Variants in SLFN12L observed in about 807,000 individuals in gnomAD.
SLFN12L encodes schlafen family member 12 like.
Under a neutral mutation model 34.8 loss-of-function variants are expected in SLFN12L, and 34 were observed. The observed-to-expected ratio is 0.98, with a 90% CI of 0.74 to 1.30. SLFN12L has a LOEUF of 1.30. Ranked by LOEUF, SLFN12L falls within the 50% of genes most tolerant of loss-of-function variation. The pLI is 0.00. For synonymous variants in SLFN12L, 259 were observed against 247.5 expected (o/e 1.05, Z -0.44); for missense variants, 703 against 696.2 (o/e 1.01, Z -0.11).
intron 1 of SLFN12L, among the ~76,000 whole-genome samples, chr17:35,534,520 A>G (rs1165646734): frequency 6.6e-6 from 1 of 152,208 alleles, no homozygotes; most frequent in African/African-American, 2.4e-5. Flanking sequence ...ATGAGAACAG[A>G]TGGTGATGTG....
chr17:35,492,552 T>C (rs1407949166), intron 2 of SLFN12L, among the ~76,000 whole-genome samples: 2 of 152,126 alleles, frequency 1.3e-5, no homozygotes, highest in African/African-American at 2.4e-5. Flanking sequence ...GGGGCTGGAA[T>C]AGTTCTGGCC....
At chr17:35,535,886 C>T (rs1487029605) in intron 1 of SLFN12L, among the ~76,000 whole-genome samples, 1 of 152,128 alleles carries the variant, frequency 6.6e-6, no homozygotes, top group Non-Finnish European at 1.5e-5. Context: ...GAACTCCTGA[C>T]CTCAAATGAT....
At chr17:35,515,641 T>C (rs1915799475) in intron 2 of SLFN12L, among the ~76,000 whole-genome samples, 3 of 134,404 alleles carry the variant, frequency 2.2e-5, no homozygotes, top group Non-Finnish European at 4.6e-5. Context: ...CAATTTTTTT[T>C]TTTTTTTTTT....
chr17:35,485,577 T>C (rs1914547375), intron 2 of SLFN12L, among the ~76,000 whole-genome samples: 1 of 152,242 alleles, frequency 6.6e-6, no homozygotes, highest in Non-Finnish European at 1.5e-5. Flanking sequence ...ATCTTTATAA[T>C]AATTTATTTG....
intron 2 of SLFN12L, among the ~76,000 whole-genome samples, chr17:35,505,724 G>A (rs1915445756): frequency 6.6e-6 from 1 of 152,146 alleles, no homozygotes; most frequent in Non-Finnish European, 1.5e-5. Flanking sequence ...ACATGAATGG[G>A]AGCAGCTTCG....
At chr17:35,528,990 T>A (rs1214059794) in intron 1 of SLFN12L, among the ~76,000 whole-genome samples, 1 of 151,894 alleles carries the variant, frequency 6.6e-6, no homozygotes, top group African/African-American at 2.4e-5. Context: ...CTTAAACAAA[T>A]TCACAAGAAA....
chr17:35,530,501 A>AAATT lies in SLFN12L; in HGVS notation c.-606+7071_-606+7072insAATT, dbSNP rs1567694469. Among the ~76,000 whole-genome samples the AAATT allele has an allele frequency of 3.5e-3, 122 of 35,076 alleles. 9 individuals are homozygous for AAATT. The highest frequency in any genetic ancestry group is 8.7e-3 in the African/African-American group (111 of 12,710). The allele number at this position is 35,076 out of a possible 152,430, so 23.0% of individuals were successfully genotyped here. A position where few individuals can be genotyped will look rare whatever the true frequency, so the allele number is the denominator to read the frequency against. On this transcript the variant is annotated intron_variant, in intron 1 of 4. Coordinates refer to ENST00000628453, the MANE Select transcript of SLFN12L (RefSeq NM_001363830.2). ...GAAAGAAAGAAAGAAAGAAAGAAAG[A>AAATT]AAGAAAGAAAGAAAAGAAAAGAAAA...
intron 2 of SLFN12L, among the ~76,000 whole-genome samples, chr17:35,489,368 A>T (rs1914739476): frequency 6.6e-6 from 1 of 151,924 alleles, no homozygotes; most frequent in Non-Finnish European, 1.5e-5. Context: ...GCCTGGCAAT[A>T]TAAGGAGACG....
intron 2 of SLFN12L, among the ~76,000 whole-genome samples, chr17:35,482,100 A>T (rs1914365890): frequency 6.6e-6 from 1 of 152,196 alleles, no homozygotes; most frequent in Admixed American, 6.5e-5. Flanking sequence ...TCCTGACCTC[A>T]GATGATCCAC....
At chr17:35,501,299 G>T (rs1915288536) in intron 2 of SLFN12L, among the ~76,000 whole-genome samples, 1 of 152,206 alleles carries the variant, frequency 6.6e-6, no homozygotes, top group Non-Finnish European at 1.5e-5. Context: ...CTGAACACCA[G>T]GAGGAACTGG....
intron 2 of SLFN12L, among the ~76,000 whole-genome samples, chr17:35,481,588 A>T (rs117528947): frequency 0.037 from 5,592 of 152,298 alleles, 150 homozygotes; most frequent in Middle Eastern, 0.099. Context: ...CTTACCTATC[A>T]CTGGAGATGG....
intron 2 of SLFN12L, among the ~76,000 whole-genome samples, chr17:35,505,811 A>G (rs538878494): frequency 5.1e-4 from 77 of 152,308 alleles, no homozygotes; most frequent in South Asian, 1.9e-3. Flanking sequence ...TGGTCCACGC[A>G]TGGCTGAAGC....
chr17:35,516,839 T>C (rs937259902), intron 2 of SLFN12L, among the ~76,000 whole-genome samples: 6 of 152,232 alleles, frequency 3.9e-5, no homozygotes, highest in Admixed American at 6.5e-5. Flanking sequence ...ATAAGCAGCT[T>C]TACTTTTAAT....
At chr17:35,515,849 G>C (rs2142163257) in intron 2 of SLFN12L, among the ~76,000 whole-genome samples, 1 of 151,778 alleles carries the variant, frequency 6.6e-6, no homozygotes, top group African/African-American at 2.4e-5. Context: ...TCACTATGTT[G>C]GCCAGGCTGG....
rs1913808073 is a variant in SLFN12L at position 35,471,493 on chromosome 17, G to A, written c.*3430C>T. Reference sequence around the variant, plus strand: ...TTCCTTTGGGTATATACCCAGTAATGGGATTCCTGGGTCAAATGGTATTTC... The same window carrying A: ...TTCCTTTGGGTATATACCCAGTAATAGGATTCCTGGGTCAAATGGTATTTC... On this transcript the variant is annotated 3_prime_UTR_variant, in exon 5 of 5. Coordinates refer to ENST00000628453, the MANE Select transcript of SLFN12L (RefSeq NM_001363830.2). Among the ~76,000 whole-genome samples, 1 of 152,070 alleles carries A rather than the reference G, an allele frequency of 6.6e-6. No homozygotes were observed.
intron 2 of SLFN12L, among the ~76,000 whole-genome samples, chr17:35,495,859 C>G (rs192568157): frequency 6.6e-6 from 1 of 151,122 alleles, no homozygotes; most frequent in Non-Finnish European, 1.5e-5. Flanking sequence ...GAATCTGAAG[C>G]GTGCAGGGTG....
Position 35,470,179 on chromosome 17 carries a change from T to C in SLFN12L, c.*4744A>G, listed in dbSNP as rs1006106326. ...TTCACCAAAGTTTATATTTTCCTAC[T>C]GCAAAACTATGTTCCATGTAGATCT... On this transcript the variant is annotated 3_prime_UTR_variant, in exon 5 of 5. Coordinates refer to ENST00000628453, the MANE Select transcript of SLFN12L (RefSeq NM_001363830.2). The C allele has an allele frequency of 6.6e-6, 1 of 152,320 alleles. No individual in the cohort carries two copies. Among genetic ancestry groups the C allele is most frequent in the Non-Finnish European group, 1.5e-5 (1 of 68,054 alleles). The allele number at this position is 152,320 out of a possible 1,614,324, so 9.4% of individuals were successfully genotyped here. A position where few individuals can be genotyped will look rare whatever the true frequency, so the allele number is the denominator to read the frequency against.
At chr17:35,512,948 T>C (rs766764218) in intron 2 of SLFN12L, among the ~76,000 whole-genome samples, 5 of 152,096 alleles carry the variant, frequency 3.3e-5, no homozygotes, top group Non-Finnish European at 5.9e-5. Context: ...GGCCCGTTCT[T>C]TCCCAGCTGA....
chr17:35,527,233 G>A (rs2072345281), intron 1 of SLFN12L, among the ~76,000 whole-genome samples: 2 of 151,964 alleles, frequency 1.3e-5, no homozygotes, highest in Non-Finnish European at 2.9e-5. Context: ...CTACCAACCA[G>A]AAAAACTCCA....
Sources: gnomAD v4.1 joint callset for allele counts (sites outside exome capture counted in the v4.1 genomes callset) on GRCh38, gnomAD v4.1.1 for gene constraint, MANE v1.5 for transcripts, NCBI Gene and HGNC (gene_info 2026-07-23, HGNC 2026-07-21) for gene names.